Variants in CDH23 observed in about 807,000 individuals in gnomAD.
The protein encoded by CDH23 is cadherin related 23.
Under a neutral mutation model 317.1 loss-of-function variants are expected in CDH23, and 189 were observed. That is an observed-to-expected ratio of 0.60 (90% CI 0.53 to 0.67). The LOEUF is 0.67. Among genes scored for constraint, CDH23 ranks in the 30% least tolerant of loss-of-function variants. CDH23 has a pLI of 0.00. For synonymous variants in CDH23, 1,839 were observed against 1,876.8 expected (o/e 0.98, Z 0.52); for missense variants, 4,401 against 4,592.4 (o/e 0.96, Z 1.20).
chr10:71,802,652 T>A (rs1294606013), intron 53 of CDH23, among the ~76,000 whole-genome samples: 1 of 152,218 alleles, frequency 6.6e-6, no homozygotes, highest in Non-Finnish European at 1.5e-5. Flanking sequence ...ACCACTGTTC[T>A]AGTTGTTGAG....
At chr10:71,597,626 AC>A (rs1859948684) in intron 9 of CDH23, among the ~76,000 whole-genome samples, 1 of 151,934 alleles carries the variant, frequency 6.6e-6, no homozygotes, top group African/African-American at 2.4e-5. Context: ...CAGCTCATCC[AC>A]CAAGCAGTGA....
intron 22 of CDH23, among the ~76,000 whole-genome samples, chr10:71,696,496 G>A (rs1865396600): frequency 6.6e-6 from 1 of 152,240 alleles, no homozygotes; most frequent in Non-Finnish European, 1.5e-5. Flanking sequence ...CTAGTAAAGG[G>A]TGCGGTCAGG....
At chr10:71,451,670 G>A (rs1466958554) in intron 3 of CDH23, among the ~76,000 whole-genome samples, 1 of 152,120 alleles carries the variant, frequency 6.6e-6, no homozygotes, top group African/African-American at 2.4e-5. Flanking sequence ...CTTTTTCCGG[G>A]GCCTGGCCAT....
chr10:71,679,336 G>A (rs1864511689), intron 16 of CDH23, 51 bp from the exon 17 acceptor site: 2 of 1,151,798 alleles, frequency 1.7e-6, no homozygotes, highest in Non-Finnish European at 2.6e-6. Flanking sequence ...CCCTCTTCTG[G>A]CCCCCAGTCT....
intron 11 of CDH23, among the ~76,000 whole-genome samples, chr10:71,638,255 C>T (rs761426936): frequency 2.2e-4 from 34 of 152,196 alleles, no homozygotes; most frequent in Non-Finnish European, 3.8e-4. Flanking sequence ...TTGAACTGTG[C>T]TCTCTTAACA....
intron 48 of CDH23, 148 bp downstream of exon 48, chr10:71,793,788 C>G (rs1043646962): frequency 4.6e-6 from 3 of 648,150 alleles, no homozygotes; most frequent in Admixed American, 6.0e-5. Flanking sequence ...AAACCAGAAC[C>G]GTCCTTCTCT....
At chr10:71,789,883 C>G (rs1327678663) in intron 45 of CDH23, among the ~76,000 whole-genome samples, 1 of 152,220 alleles carries the variant, frequency 6.6e-6, no homozygotes, top group African/African-American at 2.4e-5. Context: ...GTGGGTTTTT[C>G]TAGTCATGTA....
chr10:71,786,449 T>C (rs1841107666), intron 44 of CDH23, among the ~76,000 whole-genome samples: 1 of 150,904 alleles, frequency 6.6e-6, no homozygotes, highest in Non-Finnish European at 1.5e-5. Flanking sequence ...ACTCATAAGC[T>C]ACATGCCCCT....
At chr10:71,670,672 C>A (rs1460430223) in intron 14 of CDH23, among the ~76,000 whole-genome samples, 1 of 152,150 alleles carries the variant, frequency 6.6e-6, no homozygotes, top group African/African-American at 2.4e-5. Flanking sequence ...CTAAGCCCAA[C>A]CAGACTGTGG....
intron 28 of CDH23, chr10:71,713,399 CTCTTTA>C (rs1345745425): frequency 1.5e-6 from 1 of 675,866 alleles, no homozygotes; most frequent in Non-Finnish European, 2.7e-6. Flanking sequence ...GTGAATGAGT[CTCTTTA>C]CCAACTATGG....
At chr10:71,606,457 A>G (rs930936182) in intron 9 of CDH23, among the ~76,000 whole-genome samples, 2 of 152,202 alleles carry the variant, frequency 1.3e-5, no homozygotes, top group African/African-American at 4.8e-5. Flanking sequence ...GATGTGTGAC[A>G]TCAGGAGTCA....
At position 71,793,311 on chromosome 10, in the gene CDH23, G is replaced by A. The variant is rs1589424735; in HGVS notation, c.6383G>A (p.Gly2128Asp). The change falls in exon 48 of 70, where the codon GGT becomes GAT. Residue 2128 changes from glycine (G) to aspartate (D), a missense_variant. Physicochemically the swap from Gly to Asp is moderately conservative, Grantham distance 94 (BLOSUM62 -1). Transcript: ENST00000224721. ...IHLVTGVIRVGNATIDREEQE... is the reference protein window; with the variant it reads ...IHLVTGVIRVDNATIDREEQE... Reference sequence around the variant, plus strand: ...CTGGTCACCGGGGTCATCCGTGTTGGTAATGCCACCATCGACAGAGAGGAG... The same window carrying A: ...CTGGTCACCGGGGTCATCCGTGTTGATAATGCCACCATCGACAGAGAGGAG... The A allele has an allele frequency of 1.9e-6, 3 of 1,613,872 alleles. No individual in the cohort carries two copies. The highest frequency in any genetic ancestry group is 1.7e-5 in the Admixed American group (1 of 60,002).
intron 47 of CDH23, among the ~76,000 whole-genome samples, chr10:71,792,430 C>A (rs973619601): frequency 6.6e-6 from 1 of 152,012 alleles, no homozygotes; most frequent in African/African-American, 2.4e-5. Context: ...AAGAAAAGAA[C>A]TTAAGAGGAA....
At chr10:71,802,779 ACCTC>A in intron 53 of CDH23, 115 bp from the exon 54 acceptor site, 1 of 1,044,490 alleles carries the variant, frequency 9.6e-7, no homozygotes. Context: ...AGAAGACATT[ACCTC>A]CCTCCCAGGC....
At chr10:71,564,659 T>C (rs1857299951) in intron 6 of CDH23, among the ~76,000 whole-genome samples, 1 of 152,206 alleles carries the variant, frequency 6.6e-6, no homozygotes, top group Non-Finnish European at 1.5e-5. Context: ...AGAGCTGACA[T>C]CTCACGGGAG....
At chr10:71,413,867 G>A (rs1848431727) in intron 1 of CDH23, among the ~76,000 whole-genome samples, 1 of 151,942 alleles carries the variant, frequency 6.6e-6, no homozygotes, top group Non-Finnish European at 1.5e-5. Flanking sequence ...TGTACAAGTT[G>A]TTTGCTTCCT....
intron 3 of CDH23, among the ~76,000 whole-genome samples, chr10:71,461,497 C>T (rs1397662045): frequency 6.6e-6 from 1 of 152,214 alleles, no homozygotes; most frequent in Non-Finnish European, 1.5e-5. Flanking sequence ...GCAGGGGCCT[C>T]CCCACAGCGG....
chr10:71,554,546 A>T (rs942372469), intron 6 of CDH23, among the ~76,000 whole-genome samples: 6 of 152,082 alleles, frequency 3.9e-5, no homozygotes, highest in African/African-American at 1.4e-4. Context: ...ACCAAGTCTC[A>T]AGGTTACTGT....
In CDH23 at chr10:71,704,974, A is replaced by G. The variant is rs1289513955; in HGVS notation, c.2797A>G (p.Met933Val). Reference protein sequence around the residue: ...GLVSYRMPVGMPRMDFLINSS... With the variant: ...GLVSYRMPVGVPRMDFLINSS... Reference sequence around the variant, plus strand: ...GGTGTCCTACCGCATGCCGGTGGGCATGCCCCGCATGGACTTCCTCATCAA... The same window carrying G: ...GGTGTCCTACCGCATGCCGGTGGGCGTGCCCCGCATGGACTTCCTCATCAA... The change falls in exon 25 of 70, where the codon ATG becomes GTG. Residue 933 changes from methionine to valine, a missense_variant. Met to Val is a conservative substitution (Grantham distance 21). Transcript: ENST00000224721. 3 of 1,612,782 alleles carry G rather than the reference A, an allele frequency of 1.9e-6. No homozygotes were observed. The highest frequency in any genetic ancestry group is 2.2e-5 in the East Asian group (1 of 44,838).
Sources: gnomAD v4.1 joint callset for allele counts (sites outside exome capture counted in the v4.1 genomes callset) on GRCh38, gnomAD v4.1.1 for gene constraint, MANE v1.5 for transcripts, NCBI Gene and HGNC (gene_info 2026-07-23, HGNC 2026-07-21) for gene names.